GLUD1: variants seen among roughly 807,000 people sequenced by gnomAD.
GLUD1 encodes glutamate dehydrogenase 1, mitochondrial.
A neutral mutation model predicts 56.0 loss-of-function variants in GLUD1; 22 were observed. The ratio of observed to expected loss-of-function variants is 0.39; its 90% CI spans 0.28 to 0.56. GLUD1 has a LOEUF of 0.56. GLUD1 is among the 20% of genes least tolerant of loss of function. The pLI, the probability that GLUD1 is intolerant of heterozygous loss-of-function variation, is 0.58. For synonymous variants in GLUD1, 223 were observed against 269.9 expected (o/e 0.83, Z 1.70); for missense variants, 451 against 732.0 (o/e 0.62, Z 4.43).
intron 1 of GLUD1, among the ~76,000 whole-genome samples, chr10:87,083,226 A>AAG (rs1027793625): frequency 2.0e-5 from 3 of 151,906 alleles, no homozygotes; most frequent in Non-Finnish European, 4.4e-5. Flanking sequence ...AATTAAAAAA[A>AAG]AAAAAAAAAG....
chr10:87,075,853 G>A, intron 3 of GLUD1, 115 bp downstream of exon 3: 1 of 764,348 alleles, frequency 1.3e-6, no homozygotes. Flanking sequence ...GGCGGAGGTT[G>A]CAGTGAGCCA....
intron 9 of GLUD1, 114 bp from the exon 10 acceptor site, chr10:87,059,387 A>G: frequency 1.0e-6 from 1 of 1,000,154 alleles, no homozygotes; most frequent in Non-Finnish European, 1.6e-6. Flanking sequence ...AAATATCGCA[A>G]ATATATTTTA....
At chr10:87,063,358 C>T (rs1360674866) in intron 5 of GLUD1, among the ~76,000 whole-genome samples, 2 of 152,180 alleles carry the variant, frequency 1.3e-5, no homozygotes. Flanking sequence ...CAAGCGTGAG[C>T]CACCACGCCC....
At chr10:87,088,228 T>C (rs7096107) in intron 1 of GLUD1, among the ~76,000 whole-genome samples, 99,699 of 150,060 alleles carry the variant, frequency 0.66, 33,545 homozygotes, top group East Asian at 0.84. Flanking sequence ...AATGTAGAAA[T>C]GGAATACTGA....
chr10:87,079,299 G>A (rs1256652908), intron 1 of GLUD1, among the ~76,000 whole-genome samples: 1 of 151,378 alleles, frequency 6.6e-6, no homozygotes, highest in Non-Finnish European at 1.5e-5. Flanking sequence ...TGAGTTGGGC[G>A]TGGGGGCATG....
intron 4 of GLUD1, among the ~76,000 whole-genome samples, chr10:87,069,956 A>G (rs1283583294): frequency 6.6e-6 from 1 of 152,224 alleles, no homozygotes; most frequent in African/African-American, 2.4e-5. Context: ...CACTGACAAA[A>G]GGGCTCTCTG....
intron 1 of GLUD1, among the ~76,000 whole-genome samples, chr10:87,088,811 GA>G (rs1166481618): frequency 1.3e-5 from 2 of 152,132 alleles, no homozygotes; most frequent in African/African-American, 4.8e-5. Context: ...TTTTAATGAA[GA>G]AAACTAAGAA....
chr10:87,088,003 C>G (rs1589384291), intron 1 of GLUD1, among the ~76,000 whole-genome samples: 1 of 152,178 alleles, frequency 6.6e-6, no homozygotes, highest in South Asian at 2.1e-4. Context: ...ATTGCTTGAA[C>G]CTGGTAAGCA....
At chr10:87,065,272 CAAAAAAAAAAAAAA>C (rs59540767) in intron 5 of GLUD1, among the ~76,000 whole-genome samples, 2 of 60,796 alleles carry the variant, frequency 3.3e-5, no homozygotes, top group Non-Finnish European at 6.3e-5. Context: ...GACTCCGTCT[CAAAAAAAAAAAAAA>C]AAAAAAAAAA....
chr10:87,076,544 C>A (rs776500349), intron 2 of GLUD1, 32 bp downstream of exon 2: 17 of 1,254,752 alleles, frequency 1.4e-5, no homozygotes, highest in Non-Finnish European at 1.9e-5. Flanking sequence ...CCCCAGAGTT[C>A]TCATTAGGCA....
At chr10:87,073,845 C>T (rs1397912695) in intron 4 of GLUD1, among the ~76,000 whole-genome samples, 1 of 151,900 alleles carries the variant, frequency 6.6e-6, no homozygotes, top group African/African-American at 2.4e-5. Context: ...AGAATGGTCT[C>T]GATCTGACCT....
intron 4 of GLUD1, 140 bp from the exon 5 acceptor site, chr10:87,068,297 GTCATAGAAATAT>G (rs1846133011): frequency 3.0e-6 from 2 of 662,200 alleles, no homozygotes; most frequent in Non-Finnish European, 5.5e-6. Context: ...GCTAATCAAA[GTCATAGAAATAT>G]TCATTAAATG....
At chr10:87,075,185 T>G (rs1456328963) in intron 3 of GLUD1, among the ~76,000 whole-genome samples, 1 of 152,134 alleles carries the variant, frequency 6.6e-6, no homozygotes, top group African/African-American at 2.4e-5. Context: ...AGCCAACCTC[T>G]GCCTCCTGGG....
chr10:87,094,558 T>C lies in GLUD1; in HGVS notation c.212A>G (p.Glu71Gly). ...EDDPNFFKMV[E>G]GFFDRGASIV... is the part of the protein sequence containing the mutation. ...GCTGGCGCCGCGATCGAAGAAGCCCTCCACCATCTTGAAGAAGTTGGGGTC... is the reference window on the plus strand; with the variant it reads ...GCTGGCGCCGCGATCGAAGAAGCCCCCCACCATCTTGAAGAAGTTGGGGTC... The change falls in exon 1 of 13, where the codon GAG (glutamate) becomes GGG (glycine). Residue 71 changes from glutamate to glycine, a missense_variant. Glu to Gly is a moderately conservative substitution (Grantham distance 98, BLOSUM62 -2). Around this residue, in one of 4 missense-constraint regions of GLUD1, gnomAD observed 158 missense variants for 189.7 expected, o/e 0.83. Transcript: ENST00000277865. The surrounding 1 kb of genome is among the most constrained non-coding windows in gnomAD (Gnocchi z 6.6). 1 of 1,612,106 alleles carries C rather than the reference T, an allele frequency of 6.2e-7. No homozygotes were observed. The highest frequency in any genetic ancestry group is 8.5e-7 in the Non-Finnish European group (1 of 1,179,898).
chr10:87,060,475 A>AGACGG (rs1162339947), intron 8 of GLUD1: 1 of 673,934 alleles, frequency 1.5e-6, no homozygotes, highest in African/African-American at 1.8e-5. Flanking sequence ...AGTGTCAGGC[A>AGACGG]GATGCGTTTG....
intron 1 of GLUD1, among the ~76,000 whole-genome samples, chr10:87,080,199 G>C (rs1419428402): frequency 6.6e-6 from 1 of 151,932 alleles, no homozygotes. Flanking sequence ...CTAGGCCTCC[G>C]GAGGTGCCAG....
At chr10:87,051,942 A>G (rs1845641626) in intron 12 of GLUD1, 72 bp from the exon 13 acceptor site, 2 of 1,563,946 alleles carry the variant, frequency 1.3e-6, no homozygotes, top group Non-Finnish European at 1.8e-6. Flanking sequence ...CACAAGGCCC[A>G]GACAGGCCTG....
intron 4 of GLUD1, among the ~76,000 whole-genome samples, chr10:87,072,378 T>G (rs776999054): frequency 2.0e-5 from 3 of 152,216 alleles, no homozygotes; most frequent in Admixed American, 6.5e-5. Context: ...TACAAGCTGA[T>G]GCTAAACACA....
rs372744581 is a variant in GLUD1, at chr10:87,084,061, AC to A, written c.446-7406del. Among the ~76,000 whole-genome samples the A allele has an allele frequency of 2.7e-3, 414 of 152,310 alleles. 3 individuals carry two copies. The highest frequency in any genetic ancestry group is 0.01 in the Middle Eastern group (3 of 294). On this transcript the variant is annotated intron_variant, in intron 1 of 12. Transcript: ENST00000277865. The stretch of plus-strand genomic sequence containing the variant: ...GAAACATGGCCTAAAAATCAAGGCC[AC>A]CCTGCTGACAAAGTAATCTGTGCAC...
Sources: gnomAD v4.1 joint callset for allele counts (sites outside exome capture counted in the v4.1 genomes callset) on GRCh38, gnomAD v4.1.1 for gene constraint, gnomAD v4.1.1 regional missense constraint, Gnocchi (gnomAD v3.1) non-coding constraint, MANE v1.5 for transcripts, NCBI Gene and HGNC (gene_info 2026-07-23, HGNC 2026-07-21) for gene names.